MAGI2: variants seen among roughly 807,000 people sequenced by gnomAD.
MAGI2 encodes the protein membrane associated guanylate kinase, WW and PDZ domain containing 2, also known as membrane-associated guanylate kinase, WW and PDZ domain-containing protein 2.
A neutral mutation model predicts 133.3 loss-of-function variants in MAGI2; 35 were observed. That is an observed-to-expected ratio of 0.26 (90% CI 0.20 to 0.35). The LOEUF (loss-of-function observed/expected upper bound fraction) is 0.35, where lower values mean the gene tolerates loss of function less well. MAGI2 is among the 10% of genes least tolerant of loss of function. MAGI2 has a pLI of 1.00. For synonymous variants in MAGI2, 729 were observed against 710.6 expected, an observed-to-expected ratio of 1.03 and a Z score of -0.41; for missense variants, 1,636 against 1,863.4, an observed-to-expected ratio of 0.88 and a Z score of 2.25.
intron 2 of MAGI2, among the ~76,000 whole-genome samples, chr7:78,845,065 T>G (rs1177205951): frequency 6.6e-6 from 1 of 151,938 alleles, no homozygotes; most frequent in Non-Finnish European, 1.5e-5. Flanking sequence ...TGCCTATCTA[T>G]AAATATCTCT....
chr7:78,816,616 T>G (rs77403970), intron 2 of MAGI2, among the ~76,000 whole-genome samples: 5 of 152,314 alleles, frequency 3.3e-5, no homozygotes, highest in African/African-American at 9.6e-5. Context: ...AAAAATTACA[T>G]GACATTTACT....
intron 2 of MAGI2, among the ~76,000 whole-genome samples, chr7:78,690,306 T>TA (rs1370224234): frequency 1.3e-5 from 2 of 152,192 alleles, no homozygotes; most frequent in Non-Finnish European, 2.9e-5. Flanking sequence ...ATCGTACATG[T>TA]AAATCACAGA....
intron 1 of MAGI2, among the ~76,000 whole-genome samples, chr7:79,446,669 G>T (rs1436935517): frequency 6.6e-6 from 1 of 152,140 alleles, no homozygotes; most frequent in Non-Finnish European, 1.5e-5. Context: ...TATCAATGGG[G>T]GTTGGGCGCA....
chr7:79,097,999 G>A (rs1251740383), intron 1 of MAGI2, among the ~76,000 whole-genome samples: 1 of 152,136 alleles, frequency 6.6e-6, no homozygotes, highest in Non-Finnish European at 1.5e-5. Flanking sequence ...GCACACGCCT[G>A]TACTCCCAGC....
intron 1 of MAGI2, among the ~76,000 whole-genome samples, chr7:79,147,859 C>T (rs1321377082): frequency 1.3e-5 from 2 of 152,140 alleles, no homozygotes; most frequent in Admixed American, 6.5e-5. Flanking sequence ...CCTCCTTGTC[C>T]TCCGGCCAGG....
intron 1 of MAGI2, among the ~76,000 whole-genome samples, chr7:79,210,793 T>C (rs185340675): frequency 1.5e-4 from 23 of 152,196 alleles, no homozygotes; most frequent in African/African-American, 5.6e-4. Context: ...TAAAATAGCA[T>C]TAAATATTCT....
At chr7:78,337,555 G>T (rs978402825) in intron 9 of MAGI2, among the ~76,000 whole-genome samples, 1 of 152,204 alleles carries the variant, frequency 6.6e-6, no homozygotes, top group Non-Finnish European at 1.5e-5. Context: ...TAGAGCTGGA[G>T]AAGTTGATTA....
rs76974469 is a variant in MAGI2, at chr7:78,140,387, C to T, written c.2846-5181G>A. On this transcript the variant is annotated intron_variant, in intron 16 of 21. Coordinates refer to ENST00000354212, the MANE Select transcript of MAGI2 (RefSeq NM_012301.4). ...TTAATTATCTTCTTGTTAATAGATC[C>T]CACAAAGTGGAGTTATATGTGGAGA... is the stretch of plus-strand genomic sequence containing the variant. 2.5e-3 allele frequency among the ~76,000 whole-genome samples: 384 copies of T among 152,212 alleles called. 1 individual carries two copies. The highest frequency in any genetic ancestry group is 8.7e-3 in the African/African-American group (361 of 41,532).
intron 10 of MAGI2, among the ~76,000 whole-genome samples, chr7:78,208,983 G>A (rs1421797249): frequency 1.3e-5 from 2 of 151,274 alleles, no homozygotes; most frequent in South Asian, 2.1e-4. Context: ...AGCACTTTGG[G>A]AGGCCGAGGC....
At chr7:78,427,648 G>GAAAA (rs1799409102) in intron 6 of MAGI2, among the ~76,000 whole-genome samples, 1 of 65,918 alleles carries the variant, frequency 1.5e-5, no homozygotes, top group African/African-American at 4.8e-5. Flanking sequence ...GTAACTGAGA[G>GAAAA]AACAAAAAGA....
At chr7:79,042,128 A>C (rs1292893858) in intron 1 of MAGI2, among the ~76,000 whole-genome samples, 1 of 152,198 alleles carries the variant, frequency 6.6e-6, no homozygotes, top group Non-Finnish European at 1.5e-5. Flanking sequence ...AATTATAATG[A>C]ATATTTACAA....
At chr7:79,184,152 T>C (rs1326042593) in intron 1 of MAGI2, among the ~76,000 whole-genome samples, 1 of 151,774 alleles carries the variant, frequency 6.6e-6, no homozygotes, top group African/African-American at 2.4e-5. Context: ...AGGGTTTCAC[T>C]ACAAAAAATG....
intron 10 of MAGI2, among the ~76,000 whole-genome samples, chr7:78,244,359 A>G (rs563206427): frequency 2.8e-4 from 43 of 152,052 alleles, no homozygotes; most frequent in African/African-American, 9.6e-4. Context: ...GGCAAGACAG[A>G]AACTCTAAAA....
intron 1 of MAGI2, among the ~76,000 whole-genome samples, chr7:79,016,107 G>A (rs1412059442): frequency 6.6e-6 from 1 of 151,954 alleles, no homozygotes; most frequent in African/African-American, 2.4e-5. Flanking sequence ...AACTGAGCTG[G>A]CAGAGAGAGC....
intron 1 of MAGI2, among the ~76,000 whole-genome samples, chr7:79,033,906 C>A (rs1385471389): frequency 2.0e-5 from 3 of 151,996 alleles, no homozygotes; most frequent in South Asian, 2.1e-4. Context: ...TCTAAATATA[C>A]TAACAAAACA....
In MAGI2 at chr7:79,200,466, C is replaced by T. The variant is rs548105476; in HGVS notation, c.302-193260G>A. The stretch of plus-strand genomic sequence containing the variant: ...AAATTAAAAAAAAAAAAAAAATTAG[C>T]CAGATTTGGTGACCCACACCTGTTG... On this transcript the variant is annotated intron_variant, in intron 1 of 21. Coordinates refer to ENST00000354212, the MANE Select transcript of MAGI2 (RefSeq NM_012301.4). Among the ~76,000 whole-genome samples, 9 of 151,124 alleles carry T rather than the reference C, an allele frequency of 6.0e-5. No individual in the cohort carries two copies. The East Asian group carries it at 1.8e-3, about 30-fold the overall frequency.
At chr7:78,587,738 G>A (rs1015263661) in intron 3 of MAGI2, among the ~76,000 whole-genome samples, 3 of 152,142 alleles carry the variant, frequency 2.0e-5, no homozygotes, top group African/African-American at 4.8e-5. Context: ...ATACTCGGCC[G>A]TAGCACATAA....
chr7:79,305,911 T>C (rs937487063), intron 1 of MAGI2, among the ~76,000 whole-genome samples: 6 of 151,636 alleles, frequency 4.0e-5, no homozygotes, highest in African/African-American at 1.5e-4. Flanking sequence ...AAGTAACAAG[T>C]AAATAAATAA....
At chr7:78,948,805 T>C (rs1437157128) in intron 2 of MAGI2, among the ~76,000 whole-genome samples, 3 of 152,094 alleles carry the variant, frequency 2.0e-5, no homozygotes, top group African/African-American at 7.2e-5. Context: ...GTTAATTTGC[T>C]CAATACGAAC....
Sources: gnomAD v4.1 joint callset for allele counts (sites outside exome capture counted in the v4.1 genomes callset) on GRCh38, gnomAD v4.1.1 for gene constraint, MANE v1.5 for transcripts, NCBI Gene and HGNC (gene_info 2026-07-23, HGNC 2026-07-21) for gene names.